The following SART1 variants were observed in gnomAD, a reference collection of about 807,000 sequenced individuals.
SART1 encodes U4/U6.U5 tri-snRNP-associated protein 1.
A neutral mutation model predicts 105.0 loss-of-function variants in SART1; 28 were observed. The observed-to-expected ratio is 0.27, with a 90% CI of 0.20 to 0.37. SART1 has a LOEUF of 0.37. SART1 is among the 10% of genes least tolerant of loss of function. The pLI is 1.00. For missense variants in SART1, 894 were observed against 1,106.5 expected, an observed-to-expected ratio of 0.81 and a Z score of 2.72; for synonymous variants, 472 against 462.9, an observed-to-expected ratio of 1.02 and a Z score of -0.25.
chr11:65,967,630 GC>G (rs1565314240), intron 11 of SART1, 44 bp downstream of exon 11: 1 of 1,599,864 alleles, frequency 6.3e-7, no homozygotes, highest in South Asian at 1.1e-5. Flanking sequence ...GACAGGAGCC[GC>G]GGGTTGGAGG....
chr11:65,966,227 T>A lies in SART1; in HGVS notation c.981+9T>A. ...TGGACGACCTGGCGCAGGCACGGCC[T>A]GGGCAGGCTGGGTGGCGGGGGCTGA... On this transcript the variant is annotated intron_variant, in intron 8 of 19. Coordinates refer to ENST00000312397, the MANE Select transcript of SART1 (RefSeq NM_005146.5). The A allele has an allele frequency of 6.2e-7, 1 of 1,613,854 alleles. No individual in the cohort carries two copies. Among genetic ancestry groups the A allele is most frequent in the Admixed American group, 1.7e-5 (1 of 60,020 alleles).
chr11:65,962,125 T>TGGGGGGGGGGGGGG, intron 1 of SART1, 32 bp downstream of exon 1: 1 of 62,140 alleles, frequency 1.6e-5, no homozygotes, highest in Non-Finnish European at 3.0e-5. Context: ...AGGGGGCGGG[T>TGGGGGGGGGGGGGG]CGGGCGGGGG....
At position 65,978,586 on chromosome 11, in the gene SART1, C is replaced by A. The variant is rs994143769; in HGVS notation, c.2173-14C>A. 1.9e-6 allele frequency: 3 copies of A among 1,553,198 alleles called. No homozygotes were observed. In the East Asian group the frequency reaches 7.3e-5, roughly 38 times the overall value. On this transcript the variant is annotated splice_polypyrimidine_tract_variant and intron_variant, in intron 17 of 19. Coordinates refer to ENST00000312397, the MANE Select transcript of SART1 (RefSeq NM_005146.5). The surrounding 1 kb of genome is among the most constrained non-coding windows in gnomAD (Gnocchi z 6.8). ...CCAGGGCCCTGCATCTCCTCTCATG[C>A]CCCGCGTCCCCAGGCTTTCCGGCAG...
In SART1 at chr11:65,962,096, G is replaced by C. The variant is rs1295975348; in HGVS notation, c.313+3G>C. On this transcript the variant is annotated splice_donor_region_variant and intron_variant, in intron 1 of 19. Coordinates refer to ENST00000312397, the MANE Select transcript of SART1 (RefSeq NM_005146.5). ...GCGCGATGACGGCTACGAGGCCGGT[G>C]AGGAGGCGGGGCCTGCGCAGGGGGC... is the stretch of plus-strand genomic sequence containing the variant. 1.4e-6 allele frequency: 2 copies of C among 1,448,754 alleles called. No individual in the cohort carries two copies. The highest frequency in any genetic ancestry group is 1.8e-6 in the Non-Finnish European group (2 of 1,106,466). The allele number at this position is 1,448,754 out of a possible 1,614,324, so 89.7% of individuals were successfully genotyped here. A position where few individuals can be genotyped will look rare whatever the true frequency, so the allele number is the denominator to read the frequency against.
In SART1 at chr11:65,966,165, A is replaced by C. The variant is rs778139903; in HGVS notation, c.928A>C (p.Lys310Gln). The C allele has an allele frequency of 2.7e-5, 44 of 1,613,912 alleles. No individual in the cohort carries two copies. Among genetic ancestry groups the C allele is most frequent in the Admixed American group, 5.0e-5 (3 of 60,010 alleles). ...AEKNVELRKKKPDYLPYAEDE... is the reference protein window; with the variant it reads ...AEKNVELRKKQPDYLPYAEDE... Reference sequence around the variant, plus strand: ...GAAAAATGTGGAGCTGCGGAAGAAGAAGCCTGACTACCTGCCCTATGCCGA... The same window carrying C: ...GAAAAATGTGGAGCTGCGGAAGAAGCAGCCTGACTACCTGCCCTATGCCGA... Residue 310 changes from lysine to glutamine, a missense_variant, in exon 8 of 20, where the codon AAG becomes CAG. Transcript: ENST00000312397.
chr11:65,967,644 A>G (rs372967734), intron 11 of SART1, 35 bp from the exon 12 acceptor site: 115 of 1,593,570 alleles, frequency 7.2e-5, no homozygotes, highest in Non-Finnish European at 8.9e-5. Context: ...GTTGGAGGAG[A>G]TGGTCTGAGC....
chr11:65,977,541 C>T (rs756211517), intron 15 of SART1, 22 bp from the exon 16 acceptor site: 5 of 1,610,184 alleles, frequency 3.1e-6, no homozygotes, highest in Non-Finnish European at 4.2e-6. Flanking sequence ...GGTTGGGAGT[C>T]TCACAACCCC....
chr11:65,966,136 C>T lies in SART1; in HGVS notation c.899C>T (p.Ala300Val), dbSNP rs1855250661. 1 of 1,613,860 alleles carries T rather than the reference C, an allele frequency of 6.2e-7. No homozygotes were observed. The highest frequency in any genetic ancestry group is 1.7e-5 in the Admixed American group (1 of 60,000). ...GTGAACCTGGTGGATAAGGAGCGGG[C>T]AGAGAAAAATGTGGAGCTGCGGAAG... is the stretch of plus-strand genomic sequence containing the variant. ...VNVNLVDKER[A>V]EKNVELRKKK... The change falls in exon 8 of 20, where the codon GCA becomes GTA. Residue 300 changes from alanine to valine, a missense_variant. Physicochemically the swap from Ala to Val is moderately conservative, Grantham distance 64 (BLOSUM62 0). Around this residue, in one of 2 missense-constraint regions of SART1, gnomAD observed 712 missense variants for 778.2 expected, o/e 0.91. Transcript: ENST00000312397.
At chr11:65,965,278 G>T in intron 4 of SART1, 60 bp downstream of exon 4, 1 of 1,605,570 alleles carries the variant, frequency 6.2e-7, no homozygotes, top group Admixed American at 1.7e-5. Flanking sequence ...ATCCTTGGCT[G>T]CCTCTTGAGT....
chr11:65,971,827 G>A (rs1217820686), intron 12 of SART1, among the ~76,000 whole-genome samples: 6 of 152,076 alleles, frequency 3.9e-5, no homozygotes, highest in African/African-American at 7.3e-5. Context: ...GACAGGGCCT[G>A]GAGTCGTGAT....
In SART1 at chr11:65,976,435, G is replaced by T; in HGVS notation, c.1613G>T (p.Gly538Val). ...IVKKLESRQRGWEEDEDPERK... is the reference protein window; with the variant it reads ...IVKKLESRQRVWEEDEDPERK... ...AAGAAGCTGGAGTCTCGCCAGCGGG[G>T]CTGGGAGGAGGATGAGGATCCCGAG... Residue 538 changes from glycine (G) to valine (V), a missense_variant, in exon 13 of 20, where the codon GGC (glycine) becomes GTC (valine). This residue lies in a region of SART1 where 712 missense variants were observed against 778.2 expected (regional missense o/e 0.91). Transcript: ENST00000312397. The surrounding 1 kb of genome is among the most constrained non-coding windows in gnomAD (Gnocchi z 5.1). The T allele has an allele frequency of 3.2e-6, 5 of 1,568,114 alleles. No individual in the cohort carries two copies. The South Asian group carries it at 6.1e-5, about 19-fold the overall frequency.
intron 2 of SART1, 26 bp downstream of exon 2, chr11:65,964,157 C>G: frequency 1.2e-6 from 2 of 1,607,350 alleles, no homozygotes; most frequent in Non-Finnish European, 1.7e-6. Flanking sequence ...CTTGTTTCTA[C>G]TTTGTTTTTC....
rs376847340 is a variant in SART1 at position 65,976,786 on chromosome 11, G to T, written c.1857+20G>T. On this transcript the variant is annotated intron_variant, in intron 14 of 19. Coordinates refer to ENST00000312397, the MANE Select transcript of SART1 (RefSeq NM_005146.5). The surrounding 1 kb of genome is among the most constrained non-coding windows in gnomAD (Gnocchi z 5.1). The stretch of plus-strand genomic sequence containing the variant: ...CAGGATGTGAGGGCCGCGCCGCTGG[G>T]GGGTGGGCGTTTGGGGGTGCTCAAG... 63 of 1,580,256 alleles carry T rather than the reference G, an allele frequency of 4.0e-5. No individual in the cohort carries two copies. The highest frequency in any genetic ancestry group is 1.1e-4 in the Admixed American group (6 of 55,470).
At position 65,976,582 on chromosome 11, in the gene SART1, G is replaced by A. The variant is rs1328641815; in HGVS notation, c.1746+14G>A. ...GAGGAGCTCATGGTGCGTCTGGGGCGGCCCCGCCCTCTGCTTCCCTCGGCT... is the reference window on the plus strand; with the variant it reads ...GAGGAGCTCATGGTGCGTCTGGGGCAGCCCCGCCCTCTGCTTCCCTCGGCT... On this transcript the variant is annotated intron_variant, in intron 13 of 19. Transcript: ENST00000312397. This position sits in a 1 kb window ranked among gnomAD's most constrained non-coding sequence, Gnocchi z 5.1. 18 of 1,613,214 alleles carry A rather than the reference G, an allele frequency of 1.1e-5. No homozygotes were observed. Among genetic ancestry groups the A allele is most frequent in the East Asian group, 8.9e-5 (4 of 44,876 alleles).
At chr11:65,964,682 C>T (rs1222828251) in intron 3 of SART1, 112 bp downstream of exon 3, 1 of 1,087,082 alleles carries the variant, frequency 9.2e-7, no homozygotes. Flanking sequence ...CTTACACATG[C>T]ATATTTGCCG....
chr11:65,965,015 G>C (rs557634116), intron 3 of SART1, 77 bp from the exon 4 acceptor site: 2 of 1,499,766 alleles, frequency 1.3e-6, no homozygotes. Context: ...GAGCTGGAAG[G>C]GGGCAGGGTG....
chr11:65,965,522 C>T (rs184201286), intron 5 of SART1, 75 bp downstream of exon 5: 1 of 1,452,286 alleles, frequency 6.9e-7, no homozygotes, highest in South Asian at 1.2e-5. Flanking sequence ...GGGGCCAACC[C>T]CAGAGAGGTG....
At position 65,977,802 on chromosome 11, in the gene SART1, G is replaced by A; in HGVS notation, c.2075G>A (p.Arg692Gln). The change falls in exon 17 of 20, where the codon CGA becomes CAA. Residue 692 changes from arginine to glutamine, a missense_variant. Coordinates refer to ENST00000312397, the MANE Select transcript of SART1 (RefSeq NM_005146.5). ...DDKYSRREEY[R>Q]GFTQDFKEKD... ...AAGTACAGCCGGAGGGAGGAATACC[G>A]AGGCTTCACACAGGACTTCAAGGAG... 8 of 1,613,966 alleles carry A rather than the reference G, an allele frequency of 5.0e-6. No homozygotes were observed. Among genetic ancestry groups the A allele is most frequent in the African/African-American group, 1.3e-5 (1 of 74,988 alleles).
intron 1 of SART1, 35 bp from the exon 2 acceptor site, chr11:65,964,039 G>A (rs938295360): frequency 6.9e-6 from 11 of 1,603,238 alleles, no homozygotes; most frequent in Non-Finnish European, 9.3e-6. Flanking sequence ...TTGGCCCTGT[G>A]TTCAGCTCCT....
Sources: gnomAD v4.1 joint callset for allele counts (sites outside exome capture counted in the v4.1 genomes callset) on GRCh38, gnomAD v4.1.1 for gene constraint, gnomAD v4.1.1 regional missense constraint, Gnocchi (gnomAD v3.1) non-coding constraint, MANE v1.5 for transcripts, NCBI Gene and HGNC (gene_info 2026-07-23, HGNC 2026-07-21) for gene names.